Variants in MRPS27 observed in about 807,000 individuals in gnomAD.
The protein encoded by MRPS27 is small ribosomal subunit protein mS27.
MRPS27 carries 43 observed loss-of-function variants against 48.9 expected under a neutral mutation model. The ratio of observed to expected loss-of-function variants is 0.88; its 90% CI spans 0.69 to 1.13. MRPS27 has a LOEUF of 1.13. Among genes scored for constraint, MRPS27 ranks in the 50% most tolerant of loss-of-function variants. MRPS27 has a pLI of 0.00. For synonymous variants in MRPS27, 188 were observed against 171.9 expected (o/e 1.09, Z -0.73); for missense variants, 467 against 476.3 (o/e 0.98, Z 0.18).
At chr5:72,283,415 C>T (rs1749581898) in intron 4 of MRPS27, among the ~76,000 whole-genome samples, 1 of 152,124 alleles carries the variant, frequency 6.6e-6, no homozygotes, top group Admixed American at 6.6e-5. Context: ...CAAAGAGATA[C>T]ACTGGGCTAG....
At chr5:72,289,728 C>T (rs1749770912) in intron 4 of MRPS27, among the ~76,000 whole-genome samples, 1 of 152,188 alleles carries the variant, frequency 6.6e-6, no homozygotes, top group Non-Finnish European at 1.5e-5. Flanking sequence ...AAAAAATTTA[C>T]ATCCTTAATA....
intron 4 of MRPS27, among the ~76,000 whole-genome samples, chr5:72,255,962 A>G (rs557133786): frequency 6.6e-6 from 1 of 152,360 alleles, no homozygotes; most frequent in African/African-American, 2.4e-5. Flanking sequence ...AACCTCTGGA[A>G]GAAGGAGTGT....
chr5:72,319,992 T>C, intron 1 of MRPS27, 157 bp downstream of exon 1: 1 of 700,040 alleles, frequency 1.4e-6, no homozygotes, highest in Non-Finnish European at 2.5e-6. Context: ...AGGAAATGGA[T>C]CAGATACCTT....
chr5:72,281,669 G>C (rs1240996030), intron 4 of MRPS27, among the ~76,000 whole-genome samples: 1 of 152,206 alleles, frequency 6.6e-6, no homozygotes, highest in Non-Finnish European at 1.5e-5. Context: ...GGCACATTCA[G>C]AGAACAGTAG....
At chr5:72,238,954 C>T (rs1214386149) in intron 4 of MRPS27, among the ~76,000 whole-genome samples, 1 of 151,334 alleles carries the variant, frequency 6.6e-6, no homozygotes, top group Non-Finnish European at 1.5e-5. Flanking sequence ...GATTGAGCTG[C>T]GAGATGGGGG....
At chr5:72,279,679 AAAAC>A (rs1749480143) in intron 4 of MRPS27, among the ~76,000 whole-genome samples, 1 of 152,160 alleles carries the variant, frequency 6.6e-6, no homozygotes, top group African/African-American at 2.4e-5. Flanking sequence ...AAAACAAAAT[AAAAC>A]AAAAACAAAA....
chr5:72,305,964 T>C (rs1185958005), intron 2 of MRPS27, among the ~76,000 whole-genome samples: 1 of 152,184 alleles, frequency 6.6e-6, no homozygotes, highest in Non-Finnish European at 1.5e-5. Flanking sequence ...ACAGAAACAA[T>C]CAAAAGTTGA....
intron 5 of MRPS27, among the ~76,000 whole-genome samples, chr5:72,237,697 C>T (rs534332277): frequency 4.1e-4 from 62 of 152,180 alleles, no homozygotes; most frequent in African/African-American, 1.4e-3. Context: ...TTCCCCTATA[C>T]TTCACCAGAA....
chr5:72,282,096 A>G (rs1749548741), intron 4 of MRPS27, among the ~76,000 whole-genome samples: 1 of 152,216 alleles, frequency 6.6e-6, no homozygotes, highest in African/African-American at 2.4e-5. Context: ...TTCAAAACAA[A>G]CATACCTGGA....
chr5:72,276,827 C>G lies in MRPS27; in HGVS notation c.281+18704G>C, dbSNP rs10050949. On this transcript the variant is annotated intron_variant, in intron 4 of 10. Transcript: ENST00000261413. ...CGGGTGGATCACGAGGTCAGGAGAT[C>G]GAGACCATCCTGGTTAACACAGTGA... is the stretch of plus-strand genomic sequence containing the variant. 2.0e-3 allele frequency among the ~76,000 whole-genome samples: 300 copies of G among 152,020 alleles called. 1 individual carries two copies. The highest frequency in any genetic ancestry group is 3.3e-3 in the Non-Finnish European group (222 of 67,962).
intron 2 of MRPS27, among the ~76,000 whole-genome samples, chr5:72,309,426 C>T (rs1346531520): frequency 2.6e-5 from 4 of 151,944 alleles, no homozygotes; most frequent in African/African-American, 9.7e-5. Flanking sequence ...CCACCACGCC[C>T]GGCTATTTTG....
rs562513090 is a variant in MRPS27 at position 72,220,479 on chromosome 5, G to A, written c.*430C>T. On this transcript the variant is annotated 3_prime_UTR_variant, in exon 11 of 11. Transcript: ENST00000261413. ...GGAGGTTGCAGTGAGCCAAGATTGC[G>A]CCACTGCACTCCAGCCTGGGTGACA... The A allele has an allele frequency of 1.1e-4, 17 of 157,644 alleles. No individual in the cohort carries two copies. In the South Asian group the frequency reaches 2.8e-3, roughly 26 times the overall value. The allele number at this position is 157,644 out of a possible 1,614,324, so 9.8% of individuals were successfully genotyped here. A position where few individuals can be genotyped will look rare whatever the true frequency, so the allele number is the denominator to read the frequency against.
intron 4 of MRPS27, chr5:72,288,778 G>A (rs570872906): frequency 6.6e-6 from 1 of 152,268 alleles, no homozygotes; most frequent in East Asian, 1.9e-4. Context: ...GGCATAATGC[G>A]ACCTGGCAAT....
At chr5:72,275,466 A>G (rs1013178536) in intron 4 of MRPS27, among the ~76,000 whole-genome samples, 1 of 152,214 alleles carries the variant, frequency 6.6e-6, no homozygotes, top group Admixed American at 6.5e-5. Context: ...AAAGTAATTT[A>G]TAGATTCAAT....
intron 4 of MRPS27, among the ~76,000 whole-genome samples, chr5:72,280,710 T>C (rs1212822233): frequency 6.6e-6 from 1 of 152,230 alleles, no homozygotes; most frequent in Non-Finnish European, 1.5e-5. Flanking sequence ...ATTGCTTACA[T>C]GCTCCCAGCC....
At chr5:72,223,585 TTG>T in intron 10 of MRPS27, 96 bp downstream of exon 10, 1 of 1,415,888 alleles carries the variant, frequency 7.1e-7, no homozygotes, top group Non-Finnish European at 9.7e-7. Context: ...TAATGCCTCT[TTG>T]TGTGACATTG....
At chr5:72,228,914 T>C (rs1747973187) in intron 7 of MRPS27, 1 of 152,180 alleles carries the variant, frequency 6.6e-6, no homozygotes, top group African/African-American at 2.4e-5. Flanking sequence ...AATTAGGCAG[T>C]CAGAAACAGT....
chr5:72,272,952 T>C (rs746509610), intron 4 of MRPS27, among the ~76,000 whole-genome samples: 22 of 152,212 alleles, frequency 1.4e-4, no homozygotes, highest in Non-Finnish European at 2.8e-4. Flanking sequence ...TCTAGTGTTA[T>C]ATATGTTTAA....
At chr5:72,252,379 A>C (rs559060263) in intron 4 of MRPS27, among the ~76,000 whole-genome samples, 34 of 152,302 alleles carry the variant, frequency 2.2e-4, no homozygotes, top group Middle Eastern at 6.8e-3. Context: ...ATACTGAAGG[A>C]AGGCTTCTTT....
Sources: allele counts gnomAD v4.1 joint callset (sites outside exome capture counted in the v4.1 genomes callset), GRCh38; gene constraint gnomAD v4.1.1; transcripts MANE v1.5; gene names NCBI Gene and HGNC (gene_info 2026-07-23, HGNC 2026-07-21).